The following ABCC1 variants were observed in gnomAD, a reference collection of about 807,000 sequenced individuals.
ABCC1 encodes the protein ATP binding cassette subfamily C member 1 (ABCC1 blood group), also known as multidrug resistance-associated protein 1.
ABCC1 carries 83 observed loss-of-function variants against 172.9 expected under a neutral mutation model. The observed-to-expected ratio is 0.48, with a 90% confidence interval of 0.40 to 0.58. The LOEUF is 0.58. Among genes scored for constraint, ABCC1 ranks in the 20% least tolerant of loss-of-function variants. ABCC1 has a pLI of 0.00. For synonymous variants in ABCC1, 937 were observed against 825.2 expected, an observed-to-expected ratio of 1.14 and a Z score of -2.32; for missense variants, 1,817 against 2,002.7, an observed-to-expected ratio of 0.91 and a Z score of 1.77.
At chr16:16,010,054 TTTTTTTA>T (rs986752009) in intron 3 of ABCC1, among the ~76,000 whole-genome samples, 153 bp downstream of exon 3, 7 of 138,822 alleles carry the variant, frequency 5.0e-5, no homozygotes, top group Admixed American at 2.9e-4. Flanking sequence ...TTTTTTTTTT[TTTTTTTA>T]AAGACATGAG....
intron 17 of ABCC1, among the ~76,000 whole-genome samples, chr16:16,085,855 G>A (rs890034030): frequency 6.6e-6 from 1 of 152,130 alleles, no homozygotes; most frequent in African/African-American, 2.4e-5. Context: ...ATCTCAGGAG[G>A]GACTGGGCAG....
chr16:15,949,899 T>C (rs2045825876), intron 1 of ABCC1, 100 bp downstream of exon 1: 2 of 1,043,948 alleles, frequency 1.9e-6, no homozygotes, highest in Middle Eastern at 4.0e-4. Flanking sequence ...CGCTCCCCGC[T>C]CTGCTGCCGG....
chr16:16,004,748 G>A (rs996958198), intron 1 of ABCC1, among the ~76,000 whole-genome samples: 8 of 149,290 alleles, frequency 5.4e-5, no homozygotes, highest in South Asian at 2.1e-4. Context: ...TTTGCCTCCC[G>A]GGTTCAGGTG....
chr16:16,026,949 C>G (rs1290858388), intron 5 of ABCC1, among the ~76,000 whole-genome samples: 1 of 152,024 alleles, frequency 6.6e-6, no homozygotes, highest in Non-Finnish European at 1.5e-5. Context: ...GTGCAGTGTT[C>G]TGTCTGTCAA....
At chr16:16,134,625 C>CTTTT (rs67073334) in intron 28 of ABCC1, 117 bp downstream of exon 28, 31 of 355,500 alleles carry the variant, frequency 8.7e-5, no homozygotes, top group South Asian at 1.5e-4. Flanking sequence ...CTTCATCGTT[C>CTTTT]TTTTTTTTTT....
intron 1 of ABCC1, among the ~76,000 whole-genome samples, chr16:15,973,718 A>G (rs544019087): frequency 1.3e-5 from 2 of 152,132 alleles, no homozygotes; most frequent in South Asian, 2.1e-4. Flanking sequence ...ACTCATGCCT[A>G]TAATCCCAGC....
intron 7 of ABCC1, among the ~76,000 whole-genome samples, chr16:16,042,578 C>CT (rs1304601650): frequency 6.6e-6 from 1 of 151,944 alleles, no homozygotes; most frequent in East Asian, 1.9e-4. Context: ...TAGCGCACAC[C>CT]TGTAATCCCA....
intron 5 of ABCC1, among the ~76,000 whole-genome samples, chr16:16,020,970 G>A (rs2048174044): frequency 6.6e-6 from 1 of 152,170 alleles, no homozygotes; most frequent in African/African-American, 2.4e-5. Context: ...CACTTCGCTT[G>A]GTTGTAACTG....
At chr16:16,030,485 A>G (rs760817799) in intron 5 of ABCC1, among the ~76,000 whole-genome samples, 11 of 152,172 alleles carry the variant, frequency 7.2e-5, no homozygotes, top group Non-Finnish European at 1.2e-4. Context: ...AGATCACGCC[A>G]CTGGACTCCA....
intron 19 of ABCC1, among the ~76,000 whole-genome samples, chr16:16,093,978 CCTTT>C: frequency 1.6e-5 from 1 of 61,972 alleles, no homozygotes; most frequent in Admixed American, 1.9e-4. Flanking sequence ...CTCCCTCTCT[CCTTT>C]TTTTTTTTTT....
At chr16:16,067,568 G>C (rs9932506) in intron 12 of ABCC1, among the ~76,000 whole-genome samples, 2 of 152,066 alleles carry the variant, frequency 1.3e-5, no homozygotes, top group South Asian at 4.1e-4. Flanking sequence ...TGAGAAAATA[G>C]GGGCTTGCCT....
At chr16:16,137,657 A>G (rs1195660021) in intron 29 of ABCC1, among the ~76,000 whole-genome samples, 1 of 135,790 alleles carries the variant, frequency 7.4e-6, no homozygotes. Context: ...GGCTCAAGCA[A>G]TTGTTCTGCC....
chr16:16,124,970 T>G (rs1240418100), intron 25 of ABCC1, 55 bp downstream of exon 25: 3 of 1,610,662 alleles, frequency 1.9e-6, no homozygotes, highest in Non-Finnish European at 2.5e-6. Context: ...GGGGAGCCAG[T>G]TGTCCTTGGC....
intron 5 of ABCC1, among the ~76,000 whole-genome samples, chr16:16,020,145 C>T (rs536936839): frequency 2.2e-4 from 34 of 152,312 alleles, no homozygotes; most frequent in Non-Finnish European, 3.5e-4. Flanking sequence ...TGGTCTCGAT[C>T]TCCTGACTTC....
At chr16:16,084,256 C>T (rs553249395) in intron 17 of ABCC1, among the ~76,000 whole-genome samples, 2 of 152,338 alleles carry the variant, frequency 1.3e-5, no homozygotes, top group Admixed American at 1.3e-4. Context: ...GTGCATATCA[C>T]CACACTCGGC....
At chr16:16,088,327 C>A (rs1304092474) in intron 18 of ABCC1, among the ~76,000 whole-genome samples, 3 of 152,120 alleles carry the variant, frequency 2.0e-5, no homozygotes, top group Non-Finnish European at 4.4e-5. Flanking sequence ...TGGCTGTAAT[C>A]CCAGCTACTC....
chr16:16,036,542 T>G lies in ABCC1; in HGVS notation c.748T>G (p.Ser250Ala). 11 of 1,614,102 alleles carry G rather than the reference T, an allele frequency of 6.8e-6. No homozygotes were observed. The highest frequency in any genetic ancestry group is 8.5e-6 in the Non-Finnish European group (10 of 1,179,956). Reference sequence around the variant, plus strand: ...CTGGTCCTTAAACAAGGAGGACACGTCGGAACAAGTCGTGCCTGTTTTGGT... The same window carrying G: ...CTGGTCCTTAAACAAGGAGGACACGGCGGAACAAGTCGTGCCTGTTTTGGT... ...DLWSLNKEDTSEQVVPVLVKN... is the reference protein window; with the variant it reads ...DLWSLNKEDTAEQVVPVLVKN... The change falls in exon 7 of 31, where the codon TCG becomes GCG. Residue 250 changes from serine to alanine, a missense_variant. Physicochemically the swap from Ser to Ala is moderately conservative, Grantham distance 99. Coordinates refer to ENST00000399410, the MANE Select transcript of ABCC1 (RefSeq NM_004996.4).
chr16:16,131,570 AG>A (rs2045673472), intron 26 of ABCC1, among the ~76,000 whole-genome samples: 1 of 151,854 alleles, frequency 6.6e-6, no homozygotes, highest in African/African-American at 2.4e-5. Flanking sequence ...GAGGGGACAG[AG>A]GGACACAGGG....
intron 19 of ABCC1, among the ~76,000 whole-genome samples, chr16:16,096,153 C>T (rs1029042316): frequency 1.7e-4 from 25 of 151,418 alleles, no homozygotes; most frequent in African/African-American, 5.8e-4. Flanking sequence ...AGCGTGAATC[C>T]GGGGGGCAGA....
Sources: allele counts gnomAD v4.1 joint callset (sites outside exome capture counted in the v4.1 genomes callset), GRCh38; gene constraint gnomAD v4.1.1; transcripts MANE v1.5; gene names NCBI Gene and HGNC (gene_info 2026-07-23, HGNC 2026-07-21).